The following MGAM2 variants were observed in gnomAD, a reference collection of about 807,000 sequenced individuals.
The protein encoded by MGAM2 is probable maltase-glucoamylase 2.
A neutral mutation model predicts 96.1 loss-of-function variants in MGAM2; 98 were observed. That is an observed-to-expected ratio of 1.02 (90% CI 0.87 to 1.21). MGAM2 has a LOEUF of 1.21. Ranked by LOEUF, MGAM2 falls within the 50% of genes most tolerant of loss-of-function variation. The pLI is 0.00. For synonymous variants in MGAM2, 749 were observed against 414.8 expected, an observed-to-expected ratio of 1.81 and a Z score of -9.79; for missense variants, 2,055 against 1,182.4, an observed-to-expected ratio of 1.74 and a Z score of -10.82.
chr7:142,180,247 T>C (rs189534804), intron 32 of MGAM2, among the ~76,000 whole-genome samples: 2 of 152,298 alleles, frequency 1.3e-5, no homozygotes, highest in East Asian at 3.9e-4. Flanking sequence ...TCTTTCTTTT[T>C]TTCTCAATCT....
At chr7:142,194,844 A>G (rs1413960422) in intron 37 of MGAM2, among the ~76,000 whole-genome samples, 1 of 152,092 alleles carries the variant, frequency 6.6e-6, no homozygotes, top group African/African-American at 2.4e-5. Context: ...TGACTAATTC[A>G]TCTGTGTCTA....
chr7:142,213,420 C>T (rs1190963669), intron 46 of MGAM2, among the ~76,000 whole-genome samples: 5 of 151,942 alleles, frequency 3.3e-5, no homozygotes, highest in African/African-American at 7.3e-5. Context: ...ATAGTTAGAC[C>T]GCTAGCCAGA....
intron 46 of MGAM2, among the ~76,000 whole-genome samples, chr7:142,210,410 A>G (rs1797541671): frequency 6.6e-6 from 1 of 151,854 alleles, no homozygotes; most frequent in African/African-American, 2.4e-5. Context: ...TCCCAACCCC[A>G]CAGAGCCCAG....
At chr7:142,141,209 T>C (rs958514208) in intron 12 of MGAM2, 90 bp downstream of exon 12, 1 of 641,878 alleles carries the variant, frequency 1.6e-6, no homozygotes, top group Admixed American at 2.6e-5. Context: ...AGTTACAATA[T>C]TGTTACTGTT....
chr7:142,149,225 G>C (rs1326054794), intron 15 of MGAM2, among the ~76,000 whole-genome samples: 1 of 111,466 alleles, frequency 9.0e-6, no homozygotes, highest in East Asian at 3.8e-4. Flanking sequence ...GTGAAACTCC[G>C]TCTCAAAAAA....
At chr7:142,119,915 G>C (rs1180205945) in intron 2 of MGAM2, among the ~76,000 whole-genome samples, 1 of 152,224 alleles carries the variant, frequency 6.6e-6, no homozygotes, top group East Asian at 1.9e-4. Context: ...GGGAATAGAA[G>C]ATAGCTGCTA....
At chr7:142,162,641 A>G (rs961986339) in intron 23 of MGAM2, among the ~76,000 whole-genome samples, 8 of 151,560 alleles carry the variant, frequency 5.3e-5, no homozygotes, top group Admixed American at 2.6e-4. Flanking sequence ...CTGTACCTAT[A>G]CATATAAAAA....
chr7:142,126,882 A>G (rs748299094), intron 3 of MGAM2, among the ~76,000 whole-genome samples: 4 of 152,226 alleles, frequency 2.6e-5, no homozygotes, highest in Admixed American at 1.3e-4. Context: ...GAATTGACAT[A>G]TAAGCCATTT....
chr7:142,167,606 A>G (rs575178279), intron 26 of MGAM2, 120 bp downstream of exon 26: 11 of 632,116 alleles, frequency 1.7e-5, no homozygotes, highest in East Asian at 1.1e-4. Flanking sequence ...AGGATCTCCC[A>G]CTGACACCCA....
chr7:142,220,156 C>T lies in MGAM2; in HGVS notation c.5645C>T (p.Ser1882Phe), dbSNP rs983806932. Residue 1882 changes from serine to phenylalanine, a missense_variant, in exon 48 of 48, where the codon TCT (serine) becomes TTT (phenylalanine). Physicochemically the swap from Ser to Phe is radical, Grantham distance 155 (BLOSUM62 -2). Transcript: ENST00000477922. ...TTNTTVPDTT[S>F]PFPTSTTNAS... ...AATACTACTGTTCCTGATACAACTT[C>T]TCCTTTCCCTACAAGTACTACTAAT... The T allele has an allele frequency of 7.1e-6, 5 of 702,708 alleles. No individual in the cohort carries two copies. The highest frequency in any genetic ancestry group is 1.7e-5 in the African/African-American group (1 of 57,232). 43.5% of individuals were successfully genotyped at this position (702,708 alleles called of 1,614,324 possible).
rs1019349857 is a variant in MGAM2, at chr7:142,166,196, C to T, written c.2751C>T (p.Tyr917=). Residue 917 remains tyrosine, a synonymous_variant, in exon 25 of 48, where the codon TAC becomes TAT. Transcript: ENST00000477922. ...PVSDLEKFNC[Y]PDDPTASEES... The stretch of plus-strand genomic sequence containing the variant: ...GTGACCTGGAGAAGTTCAACTGCTA[C>T]CCTGATGATCCAACAGCCTCTGAGG... 7 of 702,550 alleles carry T rather than the reference C, an allele frequency of 1.0e-5. No individual in the cohort carries two copies. The highest frequency in any genetic ancestry group is 2.3e-4 in the Middle Eastern group (1 of 4,368). 43.5% of individuals were successfully genotyped at this position (702,550 alleles called of 1,614,324 possible). A position where few individuals can be genotyped will look rare whatever the true frequency, so the allele number is the denominator to read the frequency against.
Position 142,199,858 on chromosome 7 carries a change from CTCT to C in MGAM2, c.5049-20_5049-18del, listed in dbSNP as rs1563291149. The C allele has an allele frequency of 4.3e-5, 25 of 576,720 alleles. No individual in the cohort carries two copies. The highest frequency in any genetic ancestry group is 7.2e-5 in the Non-Finnish European group (24 of 332,234). 35.7% of individuals were successfully genotyped at this position (576,720 alleles called of 1,614,324 possible). On this transcript the variant is annotated intron_variant, in intron 44 of 47. Transcript: ENST00000477922. ...CAACCTACAATCTAGAGAAAAATAA[CTCT>C]TTTTTTTTTTTTTGGTAGTCGACAA... is the stretch of plus-strand genomic sequence containing the variant.
At chr7:142,134,284 TC>T in intron 7 of MGAM2, 132 bp downstream of exon 7, 1 of 414,136 alleles carries the variant, frequency 2.4e-6, no homozygotes, top group South Asian at 9.2e-5. Flanking sequence ...GAATATTTGT[TC>T]TTGAGGCCTA....
At chr7:142,149,291 C>T (rs1795485523) in intron 15 of MGAM2, among the ~76,000 whole-genome samples, 1 of 152,038 alleles carries the variant, frequency 6.6e-6, no homozygotes. Context: ...CCAGCTGTTC[C>T]CTCTCATCTG....
chr7:142,165,217 C>G (rs1353885329), intron 24 of MGAM2, among the ~76,000 whole-genome samples, 194 bp downstream of exon 24: 1 of 152,144 alleles, frequency 6.6e-6, no homozygotes, highest in Non-Finnish European at 1.5e-5. Context: ...TATCAGGGCT[C>G]TGAAGAAAAT....
At chr7:142,159,916 T>G (rs1323307321) in intron 20 of MGAM2, among the ~76,000 whole-genome samples, 6 of 152,180 alleles carry the variant, frequency 3.9e-5, no homozygotes, top group Non-Finnish European at 8.8e-5. Flanking sequence ...GAAGCCCAGG[T>G]GTGGAATGAC....
In MGAM2 at chr7:142,131,627, G is replaced by A; in HGVS notation, c.420G>A (p.Lys140=). The change falls in exon 5 of 48, where the codon AAG becomes AAA. Residue 140 remains lysine (K), a splice_region_variant and synonymous_variant. Coordinates refer to ENST00000477922, the MANE Select transcript of MGAM2 (RefSeq NM_001293626.2). ...AGACATCCAATCGGTTTCATTTTAA[G>A]GTTGGTTTGGGAGTGACTGCTAAAT... The part of the protein sequence containing the change: ...EYQTSNRFHF[K]ITDFNNIRYE... 1.4e-6 allele frequency: 1 copy of A among 703,114 alleles called. No individual in the cohort carries two copies. The highest frequency in any genetic ancestry group is 2.6e-6 in the Non-Finnish European group (1 of 384,994). The allele number at this position is 703,114 out of a possible 1,614,324, so 43.6% of individuals were successfully genotyped here.
chr7:142,157,501 C>A (rs780452243), intron 17 of MGAM2, among the ~76,000 whole-genome samples: 9 of 151,948 alleles, frequency 5.9e-5, no homozygotes, highest in Non-Finnish European at 1.0e-4. Flanking sequence ...AAGCAATTCT[C>A]CTGCCTCAGC....
intron 2 of MGAM2, among the ~76,000 whole-genome samples, chr7:142,119,812 C>T (rs926629847): frequency 6.6e-6 from 1 of 152,170 alleles, no homozygotes; most frequent in Non-Finnish European, 1.5e-5. Flanking sequence ...AAAGGCCACA[C>T]ATTTTATGAT....
Sources: gnomAD v4.1 joint callset for allele counts (sites outside exome capture counted in the v4.1 genomes callset) on GRCh38, gnomAD v4.1.1 for gene constraint, MANE v1.5 for transcripts, NCBI Gene and HGNC (gene_info 2026-07-23, HGNC 2026-07-21) for gene names.